Variants in CPED1 observed in about 807,000 individuals in gnomAD.
CPED1 encodes cadherin-like and PC-esterase domain-containing protein 1.
In CPED1, 114 loss-of-function variants were observed where a neutral mutation model predicts 128.2. The observed-to-expected ratio is 0.89, with a 90% CI of 0.76 to 1.04. The LOEUF (loss-of-function observed/expected upper bound fraction) is 1.04. Ranked by LOEUF, CPED1 falls within the 50% of genes least tolerant of loss-of-function variation. The pLI, the probability that CPED1 is intolerant of heterozygous loss-of-function variation, is 0.00. For missense variants in CPED1, 1,211 were observed against 1,207.1 expected, an observed-to-expected ratio of 1.00 and a Z score of -0.05; for synonymous variants, 462 against 426.7, an observed-to-expected ratio of 1.08 and a Z score of -1.02.
rs1232548213 is a variant in CPED1 at position 120,989,645 on chromosome 7, T to C, written c.24T>C (p.Pro8=). The change falls in exon 2 of 23, where the codon CCT becomes CCC. Residue 8 remains proline, a synonymous_variant. Coordinates refer to ENST00000310396, the MANE Select transcript of CPED1 (RefSeq NM_024913.5). MVCRPVF[P]CRRRFCPRPF... is the part of the protein sequence containing the mutation. ...TCATGGTCTGTCGCCCAGTGTTCCCTTGTCGTCGGCGATTTTGCCCCCGAC... is the reference window on the plus strand; with the variant it reads ...TCATGGTCTGTCGCCCAGTGTTCCCCTGTCGTCGGCGATTTTGCCCCCGAC... 1 of 1,613,994 alleles carries C rather than the reference T, an allele frequency of 6.2e-7. No individual in the cohort carries two copies. The highest frequency in any genetic ancestry group is 1.3e-5 in the African/African-American group (1 of 74,976).
At chr7:121,186,516 A>G (rs1797007608) in intron 16 of CPED1, among the ~76,000 whole-genome samples, 1 of 152,078 alleles carries the variant, frequency 6.6e-6, no homozygotes, top group Non-Finnish European at 1.5e-5. Context: ...CACCAGCATA[A>G]TACATATTCC....
chr7:121,189,697 C>T (rs1182166946), intron 16 of CPED1, among the ~76,000 whole-genome samples: 2 of 144,588 alleles, frequency 1.4e-5, no homozygotes, highest in Non-Finnish European at 3.0e-5. Flanking sequence ...AAAGTCACCA[C>T]AATTTTTGGA....
At chr7:121,020,078 CATATT>C (rs1008099486) in intron 3 of CPED1, among the ~76,000 whole-genome samples, 9 of 151,908 alleles carry the variant, frequency 5.9e-5, no homozygotes, top group Admixed American at 2.6e-4. Flanking sequence ...TTTCTGAACA[CATATT>C]GTATTGAAAA....
At chr7:121,155,423 C>T (rs1279037761) in intron 16 of CPED1, among the ~76,000 whole-genome samples, 2 of 152,086 alleles carry the variant, frequency 1.3e-5, no homozygotes, top group Non-Finnish European at 2.9e-5. Flanking sequence ...GTAAAAAGAA[C>T]AAAACTGCAG....
intron 2 of CPED1, among the ~76,000 whole-genome samples, chr7:121,005,987 T>G (rs1248241485): frequency 2.0e-5 from 3 of 152,170 alleles, no homozygotes; most frequent in Non-Finnish European, 4.4e-5. Flanking sequence ...GACTTGAGAT[T>G]CAGGAGGCTT....
chr7:121,126,555 A>G (rs1033533037), intron 9 of CPED1, among the ~76,000 whole-genome samples: 4 of 152,162 alleles, frequency 2.6e-5, no homozygotes, highest in African/African-American at 9.6e-5. Flanking sequence ...AGGGGAAAAT[A>G]AAATTATGTA....
At chr7:121,101,277 A>T (rs1252656466) in intron 7 of CPED1, among the ~76,000 whole-genome samples, 1 of 151,864 alleles carries the variant, frequency 6.6e-6, no homozygotes, top group Non-Finnish European at 1.5e-5. Context: ...AAACTTTATC[A>T]AGACACTTAC....
chr7:121,000,232 T>C (rs971750315), intron 2 of CPED1, among the ~76,000 whole-genome samples: 6 of 152,124 alleles, frequency 3.9e-5, no homozygotes, highest in African/African-American at 1.2e-4. Context: ...TGTTCTAACA[T>C]AGGATTTACG....
At chr7:121,023,848 G>A (rs541214175) in intron 3 of CPED1, among the ~76,000 whole-genome samples, 1 of 152,208 alleles carries the variant, frequency 6.6e-6, no homozygotes, top group Admixed American at 6.5e-5. Context: ...TGACTATTTA[G>A]CAGGAAGACA....
intron 2 of CPED1, among the ~76,000 whole-genome samples, chr7:121,009,474 G>A (rs535211023): frequency 6.6e-6 from 1 of 152,106 alleles, no homozygotes; most frequent in South Asian, 2.1e-4. Flanking sequence ...GGATGTGGTA[G>A]CATGCGCCTG....
At chr7:121,004,029 C>T (rs528439005) in intron 2 of CPED1, among the ~76,000 whole-genome samples, 17 of 152,168 alleles carry the variant, frequency 1.1e-4, no homozygotes, top group Non-Finnish European at 1.6e-4. Flanking sequence ...GATAAGGCAA[C>T]GTTTCTCTGG....
chr7:121,094,251 T>C (rs1268174954), intron 5 of CPED1, among the ~76,000 whole-genome samples: 1 of 152,202 alleles, frequency 6.6e-6, no homozygotes, highest in Non-Finnish European at 1.5e-5. Context: ...AATATCAAAA[T>C]GCAAGACAAT....
At chr7:121,273,078 C>T (rs1021573630) in intron 22 of CPED1, among the ~76,000 whole-genome samples, 23 of 152,010 alleles carry the variant, frequency 1.5e-4, no homozygotes, top group African/African-American at 5.3e-4. Flanking sequence ...TGAATAGTGC[C>T]TCATTTTATC....
intron 22 of CPED1, among the ~76,000 whole-genome samples, chr7:121,294,589 C>T (rs888728798): frequency 1.3e-5 from 2 of 151,888 alleles, no homozygotes; most frequent in African/African-American, 4.8e-5. Context: ...GGCTTATATG[C>T]CATTGGAAAA....
At chr7:121,043,655 C>T (rs936003470) in intron 3 of CPED1, among the ~76,000 whole-genome samples, 3 of 152,006 alleles carry the variant, frequency 2.0e-5, no homozygotes, top group Admixed American at 6.6e-5. Flanking sequence ...GAGTTAGGGC[C>T]AGGTGTGGGG....
chr7:121,029,213 A>G (rs921869435), intron 3 of CPED1, among the ~76,000 whole-genome samples: 1 of 152,200 alleles, frequency 6.6e-6, no homozygotes, highest in Non-Finnish European at 1.5e-5. Context: ...TTTAGCATAG[A>G]TTTCTGAAAT....
At chr7:121,284,145 A>C (rs74625365) in intron 22 of CPED1, among the ~76,000 whole-genome samples, 1 of 152,212 alleles carries the variant, frequency 6.6e-6, no homozygotes, top group Non-Finnish European at 1.5e-5. Flanking sequence ...CCTTCTTTAC[A>C]TGGCGGCTGC....
intron 3 of CPED1, among the ~76,000 whole-genome samples, chr7:121,033,289 C>T (rs1046887124): frequency 6.6e-6 from 1 of 152,140 alleles, no homozygotes; most frequent in South Asian, 2.1e-4. Context: ...ATTATCATTT[C>T]CTGTGTTTTC....
chr7:121,182,734 G>A (rs1205273482), intron 16 of CPED1, among the ~76,000 whole-genome samples: 1 of 151,904 alleles, frequency 6.6e-6, no homozygotes, highest in African/African-American at 2.4e-5. Context: ...CTAGTCCTCC[G>A]CTTGCTATTG....
Sources: allele counts gnomAD v4.1 joint callset (sites outside exome capture counted in the v4.1 genomes callset), GRCh38; gene constraint gnomAD v4.1.1; transcripts MANE v1.5; gene names NCBI Gene and HGNC (gene_info 2026-07-23, HGNC 2026-07-21).